Variants in AHNAK observed in about 807,000 individuals in gnomAD.
AHNAK encodes the protein AHNAK nucleoprotein.
AHNAK carries 23 observed loss-of-function variants against 37.8 expected under a neutral mutation model. The observed-to-expected ratio is 0.61, with a 90% CI of 0.44 to 0.86. AHNAK has a LOEUF of 0.86. AHNAK is among the 40% of genes least tolerant of loss of function. The pLI, the probability that AHNAK is intolerant of heterozygous loss-of-function variation, is 0.00. For missense variants in AHNAK, 7,411 were observed against 7,319.4 expected (o/e 1.01, Z -0.46); for synonymous variants, 2,481 against 2,636.3 (o/e 0.94, Z 1.80).
chr11:62,493,948 C>T (rs1939559584), intron 4 of AHNAK, among the ~76,000 whole-genome samples: 2 of 151,980 alleles, frequency 1.3e-5, no homozygotes, highest in African/African-American at 2.4e-5. Flanking sequence ...TCTCCGAGAG[C>T]TTAGCAGTGT....
intron 5 of AHNAK, among the ~76,000 whole-genome samples, chr11:62,447,032 G>T (rs1373724567): frequency 6.6e-6 from 1 of 151,806 alleles, no homozygotes. Context: ...GCCAAAATGT[G>T]CAATCAAGCC....
rs571038769 is a variant in AHNAK, at chr11:62,510,764, C to CAT, written c.343-18935_343-18934dup. ...GTCCCAAACAAACAAACAAAAAAAC[C>CAT]ATATATATATATATGTATATGTAGA... is the stretch of plus-strand genomic sequence containing the variant. On this transcript the variant is annotated intron_variant, in intron 4 of 5. Coordinates refer to the AHNAK transcript ENST00000257247. Among the ~76,000 whole-genome samples the CAT allele has an allele frequency of 8.0e-3, 1,184 of 148,872 alleles. 21 individuals are homozygous for CAT. The highest frequency in any genetic ancestry group is 0.018 in the African/African-American group (705 of 39,768).
chr11:62,539,260 C>T (rs1009049904), intron 1 of AHNAK, among the ~76,000 whole-genome samples: 2 of 151,376 alleles, frequency 1.3e-5, no homozygotes, highest in African/African-American at 4.9e-5. Context: ...GGAAGGAAAA[C>T]AGATTCCAGA....
At position 62,521,527 on chromosome 11, in the gene AHNAK, T is replaced by G. The variant is rs758629004; in HGVS notation, c.12890A>C (p.Lys4297Thr). 4 of 1,610,420 alleles carry G rather than the reference T, an allele frequency of 2.5e-6. No homozygotes were observed. The highest frequency in any genetic ancestry group is 3.4e-6 in the Non-Finnish European group (4 of 1,178,996). Reference sequence around the variant, plus strand: ...TACATCAGGGGCATCGATGTCCACTTTGGGGCCCTTGATGTCAACTTCTGG... The same window carrying G: ...TACATCAGGGGCATCGATGTCCACTGTGGGGCCCTTGATGTCAACTTCTGG... Reference protein sequence around the residue: ...KGPEVDIKGPKVDIDAPDVDV... With the variant: ...KGPEVDIKGPTVDIDAPDVDV... The change falls in exon 5 of 5, where the codon AAA (lysine) becomes ACA (threonine). Residue 4297 changes from lysine to threonine, a missense_variant. Physicochemically the swap from Lys to Thr is moderately conservative, Grantham distance 78. Coordinates refer to ENST00000378024, the MANE Select transcript of AHNAK (RefSeq NM_001620.3).
At chr11:62,439,338 C>T (rs1281106560) in intron 5 of AHNAK, among the ~76,000 whole-genome samples, 1 of 151,762 alleles carries the variant, frequency 6.6e-6, no homozygotes, top group Non-Finnish European at 1.5e-5. Flanking sequence ...CCTTGTGATC[C>T]GCCCACCTCG....
chr11:62,542,062 T>C (rs1047675767), intron 1 of AHNAK: 1 of 152,284 alleles, frequency 6.6e-6, no homozygotes, highest in African/African-American at 2.4e-5. Flanking sequence ...GGAGGTGGAA[T>C]TACCAGGAAG....
intron 5 of AHNAK, among the ~76,000 whole-genome samples, chr11:62,446,538 A>G (rs1032044430): frequency 1.3e-5 from 2 of 152,176 alleles, no homozygotes; most frequent in Non-Finnish European, 2.9e-5. Flanking sequence ...AGAGTCTATT[A>G]TATCAGATGA....
At chr11:62,451,068 G>A (rs1938527428) in intron 5 of AHNAK, among the ~76,000 whole-genome samples, 1 of 150,472 alleles carries the variant, frequency 6.6e-6, no homozygotes, top group South Asian at 2.1e-4. Context: ...CTCAGATGTT[G>A]GTTCTTCCTG....
intron 5 of AHNAK, among the ~76,000 whole-genome samples, chr11:62,485,512 C>T (rs1028064995): frequency 6.6e-6 from 1 of 151,868 alleles, no homozygotes; most frequent in Non-Finnish European, 1.5e-5. Flanking sequence ...ACCATCCTGG[C>T]TAACACGGTG....
rs760791196 is a variant in AHNAK, at chr11:62,533,761, C to T, written c.656G>A (p.Gly219Asp). 3 of 1,614,176 alleles carry T rather than the reference C, an allele frequency of 1.9e-6. No homozygotes were observed. Among genetic ancestry groups the T allele is most frequent in the Admixed American group, 1.7e-5 (1 of 60,020 alleles). The change falls in exon 5 of 5, where the codon GGC becomes GAC. Residue 219 changes from glycine (G) to aspartate (D), a missense_variant. Gly to Asp is a moderately conservative substitution (Grantham distance 94, BLOSUM62 -1). Coordinates refer to ENST00000378024, the MANE Select transcript of AHNAK (RefSeq NM_001620.3). ...CCCTGCTCGGATATCCACAGCAGAG[C>T]CTGTCGGAGAGGCTGCCCCCGAGCC... ...PSGSGAASPT[G>D]SAVDIRAGAI... is the part of the protein sequence containing the mutation.
chr11:62,479,228 C>A (rs1385478302), intron 5 of AHNAK, among the ~76,000 whole-genome samples: 3 of 132,210 alleles, frequency 2.3e-5, no homozygotes, highest in Non-Finnish European at 4.6e-5. Flanking sequence ...GGTACAATGG[C>A]ACGATCTCGG....
chr11:62,477,250 G>A (rs1331374238), intron 5 of AHNAK, among the ~76,000 whole-genome samples: 1 of 152,172 alleles, frequency 6.6e-6, no homozygotes, highest in Admixed American at 6.5e-5. Context: ...GCAAAAATGT[G>A]TTGATTGTAA....
In AHNAK at chr11:62,522,722, C is replaced by T. The variant is rs756778745; in HGVS notation, c.11695G>A (p.Glu3899Lys). The part of the protein sequence containing the change: ...GDMDVSLPKV[E>K]GDMQVPDLDI... ...AAGTCAGGAACTTGCATGTCACCTT[C>T]CACTTTTGGCAGAGACACATCCATA... The change falls in exon 5 of 5, where the codon GAA becomes AAA. Residue 3899 changes from glutamate to lysine, a missense_variant. Transcript: ENST00000378024. 6.2e-7 allele frequency: 1 copy of T among 1,613,254 alleles called. No individual in the cohort carries two copies. Among genetic ancestry groups the T allele is most frequent in the South Asian group, 1.1e-5 (1 of 91,032 alleles).
Position 62,530,236 on chromosome 11 carries a change from C to T in AHNAK, c.4181G>A (p.Gly1394Asp). The change falls in exon 5 of 5, where the codon GGC becomes GAC. Residue 1394 changes from glycine (G) to aspartate (D), a missense_variant. Coordinates refer to ENST00000378024, the MANE Select transcript of AHNAK (RefSeq NM_001620.3). ...CACTTCAGGGCCCTCTCCTTTGAAG[C>T]CGGGCATGCTGAACTTGGGCATTTT... ...KVKMPKFSMP[G>D]FKGEGPEVDV... 1 of 1,612,874 alleles carries T rather than the reference C, an allele frequency of 6.2e-7. No homozygotes were observed. Among genetic ancestry groups the T allele is most frequent in the African/African-American group, 1.3e-5 (1 of 74,570 alleles).
rs755638948 is a variant in AHNAK at position 62,527,076 on chromosome 11, A to C, written c.7341T>G (p.His2447Gln). The C allele has an allele frequency of 1.2e-6, 2 of 1,613,970 alleles. No homozygotes were observed. The highest frequency in any genetic ancestry group is 1.1e-5 in the South Asian group (1 of 91,042). ...KGPKFKMPDM[H>Q]FKAPNISMPD... ...GCATAGAAATATTGGGGGCTTTGAA[A>C]TGCATATCAGGCATCTTGAACTTAG... The change falls in exon 5 of 5, where the codon CAT becomes CAG. Residue 2447 changes from histidine to glutamine, a missense_variant. Physicochemically the swap from His to Gln is conservative, Grantham distance 24. Transcript: ENST00000378024.
In AHNAK at chr11:62,533,366, C is replaced by T; in HGVS notation, c.1051G>A (p.Ala351Thr). The T allele has an allele frequency of 1.3e-6, 2 of 1,577,632 alleles. No individual in the cohort carries two copies. Among genetic ancestry groups the T allele is most frequent in the Non-Finnish European group, 1.7e-6 (2 of 1,162,740 alleles). Residue 351 changes from alanine to threonine, a missense_variant, in exon 5 of 5, where the codon GCC (alanine) becomes ACC (threonine). Physicochemically the swap from Ala to Thr is moderately conservative, Grantham distance 58. Transcript: ENST00000378024. ...GGCACACTGACTTCCAGCTGAGGGG[C>T]TTGGATAGTCAAGCCTGGCTTGCCG... ...KGGKPGLTIQ[A>T]PQLEVSVPSA...
intron 4 of AHNAK, among the ~76,000 whole-genome samples, chr11:62,501,573 TA>T (rs1939713298): frequency 6.6e-6 from 1 of 151,914 alleles, no homozygotes; most frequent in Non-Finnish European, 1.5e-5. Context: ...CTCAAAAAAA[TA>T]AAATAAAAGA....
chr11:62,481,978 C>A (rs888553178), intron 5 of AHNAK, among the ~76,000 whole-genome samples: 1 of 152,134 alleles, frequency 6.6e-6, no homozygotes, highest in Non-Finnish European at 1.5e-5. Context: ...CAATGCATGC[C>A]CTGTGTCGGG....
intron 4 of AHNAK, among the ~76,000 whole-genome samples, chr11:62,509,460 G>A (rs192856858): frequency 6.6e-6 from 1 of 151,974 alleles, no homozygotes; most frequent in Non-Finnish European, 1.5e-5. Context: ...TGAGGCAGGA[G>A]AATCACTTGA....
Sources: gnomAD v4.1 joint callset for allele counts (sites outside exome capture counted in the v4.1 genomes callset) on GRCh38, gnomAD v4.1.1 for gene constraint, MANE v1.5 for transcripts, NCBI Gene and HGNC (gene_info 2026-07-23, HGNC 2026-07-21) for gene names.